MLIP: variants seen among roughly 807,000 people sequenced by gnomAD.
MLIP encodes muscular LMNA-interacting protein.
A neutral mutation model predicts 84.8 loss-of-function variants in MLIP; 79 were observed. That is an observed-to-expected ratio of 0.93 (90% CI 0.78 to 1.12). The LOEUF is 1.12. MLIP is among the 50% of genes most tolerant of loss of function. MLIP has a pLI of 0.00. For missense variants in MLIP, 1,257 were observed against 1,160.6 expected (o/e 1.08, Z -1.21); for synonymous variants, 504 against 463.0 (o/e 1.09, Z -1.14).
chr6:54,261,779 T>A (rs919301946), intron 13 of MLIP: 1 of 969,872 alleles, frequency 1.0e-6, no homozygotes, highest in East Asian at 1.1e-4. Context: ...GATTCAAGGG[T>A]AAAAATAAAA....
upstream of MLIP, among the ~76,000 whole-genome samples, chr6:54,108,726 G>T (rs914382798): frequency 1.3e-5 from 2 of 152,148 alleles, no homozygotes; most frequent in African/African-American, 2.4e-5. Context: ...ACTCAAGAAA[G>T]AATCTGAGCA....
intron 9 of MLIP, among the ~76,000 whole-genome samples, chr6:54,184,842 G>T (rs376486136): frequency 6.6e-6 from 1 of 151,940 alleles, no homozygotes; most frequent in Non-Finnish European, 1.5e-5. Context: ...AATGTCAAAG[G>T]CTGTAGAATA....
intron 2 of MLIP, among the ~76,000 whole-genome samples, chr6:54,124,234 G>A (rs534363084): frequency 6.6e-6 from 1 of 152,126 alleles, no homozygotes; most frequent in Non-Finnish European, 1.5e-5. Flanking sequence ...AAACAGTTAG[G>A]TTTGCCTGTT....
intron 5 of MLIP, among the ~76,000 whole-genome samples, chr6:54,156,316 G>T (rs1774029322): frequency 6.6e-6 from 1 of 151,978 alleles, no homozygotes; most frequent in African/African-American, 2.4e-5. Context: ...TGAGTATTTT[G>T]TGCCATTTCA....
chr6:54,149,023 T>C (rs758069027), intron 4 of MLIP, 33 bp from the exon 5 acceptor site: 1 of 1,577,580 alleles, frequency 6.3e-7, no homozygotes, highest in Non-Finnish European at 8.7e-7. Context: ...CCCATTTTCA[T>C]CTCTACTCTT....
chr6:54,038,953 G>A (rs921435040), intron 1 of MLIP, among the ~76,000 whole-genome samples: 5 of 151,698 alleles, frequency 3.3e-5, no homozygotes, highest in Admixed American at 6.6e-5. Context: ...GCACATTCTC[G>A]CCAAAGACAT....
intron 5 of MLIP, among the ~76,000 whole-genome samples, chr6:54,159,819 G>A (rs1582328132): frequency 6.6e-6 from 1 of 152,158 alleles, no homozygotes; most frequent in East Asian, 1.9e-4. Flanking sequence ...ATGGAATAGA[G>A]ATTTTGGCTA....
intron 9 of MLIP, among the ~76,000 whole-genome samples, chr6:54,174,889 T>C (rs1425079351): frequency 6.6e-6 from 1 of 152,010 alleles, no homozygotes; most frequent in African/African-American, 2.4e-5. Flanking sequence ...AGGTCTTAGG[T>C]TTAAGTATTT....
intron 13 of MLIP, among the ~76,000 whole-genome samples, chr6:54,265,673 A>G (rs1440981697): frequency 6.6e-6 from 1 of 152,076 alleles, no homozygotes; most frequent in East Asian, 1.9e-4. Flanking sequence ...CCTGCCCCTC[A>G]AAACCATCAT....
chr6:54,104,338 G>A (rs1167299881), intron 1 of MLIP, among the ~76,000 whole-genome samples: 3 of 152,116 alleles, frequency 2.0e-5, no homozygotes, highest in Non-Finnish European at 2.9e-5. Flanking sequence ...TATGAAGTAT[G>A]TCATGTGTTA....
chr6:54,181,119 G>A (rs986294716), intron 9 of MLIP, among the ~76,000 whole-genome samples: 8 of 152,124 alleles, frequency 5.3e-5, no homozygotes, highest in African/African-American at 1.7e-4. Context: ...GGCCCTCCGC[G>A]GTTCCACAAA....
At chr6:54,173,635 A>C (rs1775985056) in intron 9 of MLIP, among the ~76,000 whole-genome samples, 1 of 151,970 alleles carries the variant, frequency 6.6e-6, no homozygotes, top group East Asian at 1.9e-4. Context: ...GGTACATGAG[A>C]TATTTTGATA....
intron 12 of MLIP, among the ~76,000 whole-genome samples, chr6:54,235,424 A>C (rs1781297421): frequency 6.6e-6 from 1 of 152,138 alleles, no homozygotes; most frequent in Non-Finnish European, 1.5e-5. Context: ...ATCAGTACTC[A>C]AAATGATTTG....
intron 8 of MLIP, 78 bp downstream of exon 8, chr6:54,160,877 C>T (rs1294756705): frequency 2.5e-6 from 3 of 1,184,482 alleles, no homozygotes; most frequent in Non-Finnish European, 3.7e-6. Flanking sequence ...AGTCAAGGTC[C>T]AATAGTGAAT....
At chr6:54,207,129 T>A (rs887116046) in intron 11 of MLIP, among the ~76,000 whole-genome samples, 1 of 151,856 alleles carries the variant, frequency 6.6e-6, no homozygotes, top group Non-Finnish European at 1.5e-5. Context: ...CTTCTCTAAG[T>A]TTTGCCATGT....
chr6:54,245,842 A>G (rs1284575270), intron 12 of MLIP, among the ~76,000 whole-genome samples: 1 of 152,144 alleles, frequency 6.6e-6, no homozygotes, highest in Admixed American at 6.5e-5. Flanking sequence ...ATCTATTTTA[A>G]TTATGTAATA....
chr6:54,133,284 A>T (rs1384277266), intron 3 of MLIP, among the ~76,000 whole-genome samples: 1 of 152,188 alleles, frequency 6.6e-6, no homozygotes, highest in Non-Finnish European at 1.5e-5. Context: ...AACACCAGAA[A>T]AGATTATTTA....
At chr6:54,183,771 A>AGTC (rs1777126722) in intron 9 of MLIP, among the ~76,000 whole-genome samples, 2 of 139,414 alleles carry the variant, frequency 1.4e-5, no homozygotes, top group Non-Finnish European at 3.1e-5. Flanking sequence ...TTTGAGACAG[A>AGTC]GTCTCTCTCT....
At chr6:54,136,346 T>C (rs1771794479) in intron 3 of MLIP, among the ~76,000 whole-genome samples, 1 of 152,218 alleles carries the variant, frequency 6.6e-6, no homozygotes, top group Non-Finnish European at 1.5e-5. Context: ...GAAAATAATT[T>C]TCCAAAGTGA....
Sources: allele counts gnomAD v4.1 joint callset (sites outside exome capture counted in the v4.1 genomes callset), GRCh38; gene constraint gnomAD v4.1.1; transcripts MANE v1.5; gene names NCBI Gene and HGNC (gene_info 2026-07-23, HGNC 2026-07-21).